The following CFAP44 variants were observed in gnomAD, a reference collection of about 807,000 sequenced individuals.
CFAP44 encodes cilia and flagella associated protein 44.
Under a neutral mutation model 216.2 loss-of-function variants are expected in CFAP44, and 134 were observed. The ratio of observed to expected loss-of-function variants is 0.62; its 90% CI spans 0.54 to 0.72. The LOEUF is 0.72. CFAP44 is among the 30% of genes least tolerant of loss of function. The pLI is 0.00. For missense variants in CFAP44, 2,035 were observed against 2,182.1 expected, an observed-to-expected ratio of 0.93 and a Z score of 1.34; for synonymous variants, 700 against 727.6, an observed-to-expected ratio of 0.96 and a Z score of 0.61.
intron 34 of CFAP44, chr3:113,294,099 A>G (rs762546622): frequency 3.5e-5 from 16 of 455,852 alleles, no homozygotes; most frequent in Non-Finnish European, 5.3e-5. Flanking sequence ...TGCAGGTAAT[A>G]TTGTTAAGTA....
intron 24 of CFAP44, among the ~76,000 whole-genome samples, chr3:113,338,536 T>C (rs1042984005): frequency 2.6e-5 from 4 of 151,296 alleles, no homozygotes; most frequent in African/African-American, 9.8e-5. Flanking sequence ...CACGTGAAAC[T>C]ACCTCATACC....
intron 17 of CFAP44, among the ~76,000 whole-genome samples, chr3:113,377,021 C>T (rs1576579162): frequency 1.3e-5 from 2 of 152,086 alleles, no homozygotes; most frequent in African/African-American, 2.4e-5. Context: ...ATAGGCAAAG[C>T]AGACAAAAGG....
At chr3:113,303,787 T>C in intron 32 of CFAP44, 129 bp downstream of exon 32, 1 of 952,572 alleles carries the variant, frequency 1.0e-6, no homozygotes, top group East Asian at 2.6e-5. Context: ...GATGTTGTGG[T>C]GTTCTTGTTT....
At chr3:113,313,957 A>C (rs1343398958) in intron 28 of CFAP44, among the ~76,000 whole-genome samples, 3 of 152,256 alleles carry the variant, frequency 2.0e-5, no homozygotes, top group Non-Finnish European at 4.4e-5. Context: ...GAAAGGAGAC[A>C]GAAGAGAATC....
At chr3:113,291,845 A>T (rs944512445) in intron 34 of CFAP44, 97 bp from the exon 35 acceptor site, 13 of 1,327,612 alleles carry the variant, frequency 9.8e-6, no homozygotes, top group Non-Finnish European at 1.2e-5. Context: ...CTGGCCTGAC[A>T]GTCACCCTAA....
chr3:113,387,524 G>A (rs977733860), intron 15 of CFAP44, among the ~76,000 whole-genome samples: 4 of 152,070 alleles, frequency 2.6e-5, no homozygotes, highest in African/African-American at 4.8e-5. Flanking sequence ...CTTGGGCCCC[G>A]AATAATCAAC....
At chr3:113,360,587 C>T (rs1319278372) in intron 21 of CFAP44, 3 of 174,150 alleles carry the variant, frequency 1.7e-5, no homozygotes, top group South Asian at 1.4e-4. Context: ...TTAATGTTAT[C>T]GATGTAAAAA....
chr3:113,357,593 T>C (rs1479102141), intron 22 of CFAP44, among the ~76,000 whole-genome samples: 1 of 152,178 alleles, frequency 6.6e-6, no homozygotes, highest in Non-Finnish European at 1.5e-5. Context: ...GCCTGACACT[T>C]TGATTTTGGA....
chr3:113,333,581 T>G lies in CFAP44; in HGVS notation c.3440A>C (p.Tyr1147Ser). Residue 1147 changes from tyrosine (Y) to serine (S), a missense_variant and splice_region_variant, in exon 25 of 35, where the codon TAC becomes TCC. Tyr to Ser is a moderately radical substitution (Grantham distance 144). Transcript: ENST00000393845. ...ATAGTCATCACCAGGTTTACTCTTG[T>G]ATCTATTAGAAAAACAGACAACCCC... ...QQRKKEWEEL[Y>S]KSKPGDDYED... The G allele has an allele frequency of 6.6e-7, 1 of 1,516,498 alleles. No individual in the cohort carries two copies. The highest frequency in any genetic ancestry group is 8.8e-7 in the Non-Finnish European group (1 of 1,138,816). The allele number at this position is 1,516,498 out of a possible 1,614,324, so 93.9% of individuals were successfully genotyped here. A position where few individuals can be genotyped will look rare whatever the true frequency, so the allele number is the denominator to read the frequency against.
rs776429081 is a variant in CFAP44 at position 113,406,956 on chromosome 3, C to T, written c.976G>A (p.Glu326Lys). Residue 326 changes from glutamate (E) to lysine (K), a missense_variant, in exon 8 of 35, where the codon GAA becomes AAA. By Grantham distance (56) the Glu-to-Lys change is moderately conservative (BLOSUM62 1). Coordinates refer to ENST00000393845, the MANE Select transcript of CFAP44 (RefSeq NM_001164496.2). ...RFGKTITTDI[E>K]GYMELPDGKV... ...CCATCTGGGAGCTCCATGTAGCCTT[C>T]TATATCAGTAGTGATTGTTTTGCCA... 10 of 1,614,088 alleles carry T rather than the reference C, an allele frequency of 6.2e-6. No homozygotes were observed. Among genetic ancestry groups the T allele is most frequent in the Non-Finnish European group, 8.5e-6 (10 of 1,179,978 alleles).
intron 22 of CFAP44, among the ~76,000 whole-genome samples, chr3:113,353,698 T>C (rs1950466880): frequency 1.3e-5 from 2 of 152,060 alleles, no homozygotes. Flanking sequence ...GTGCTATAAC[T>C]TTCAGAGTGA....
intron 24 of CFAP44, among the ~76,000 whole-genome samples, chr3:113,334,599 A>G (rs1168508519): frequency 2.6e-5 from 4 of 152,210 alleles, no homozygotes; most frequent in African/African-American, 9.6e-5. Context: ...CTCCAAGCAC[A>G]AAGAGGACAG....
Position 113,379,474 on chromosome 3 carries a change from T to G in CFAP44, c.2130A>C (p.Leu710=). The G allele has an allele frequency of 6.2e-7, 1 of 1,610,468 alleles. No individual in the cohort carries two copies. Among genetic ancestry groups the G allele is most frequent in the South Asian group, 1.1e-5 (1 of 90,952 alleles). ...CTCCATCTTCTCCCATCTCTGCTGCTAGCTTGTTCCTCCTTTCTTCCCTTA... is the reference window on the plus strand; with the variant it reads ...CTCCATCTTCTCCCATCTCTGCTGCGAGCTTGTTCCTCCTTTCTTCCCTTA... ...EKIREERRNK[L]AAEMGEDGEK... is the part of the protein sequence containing the mutation. The change falls in exon 17 of 35, where the codon CTA becomes CTC. Residue 710 remains leucine (L), a synonymous_variant. Transcript: ENST00000393845.
chr3:113,418,713 G>T (rs1934722239), intron 5 of CFAP44, among the ~76,000 whole-genome samples: 1 of 147,882 alleles, frequency 6.8e-6, no homozygotes. Context: ...TGTTTTTTGG[G>T]TTTTTTTTTT....
At chr3:113,317,535 C>T (rs895224894) in intron 28 of CFAP44, among the ~76,000 whole-genome samples, 7 of 152,228 alleles carry the variant, frequency 4.6e-5, no homozygotes, top group Non-Finnish European at 7.3e-5. Flanking sequence ...TGCATTGCTG[C>T]ACCTGAGTAG....
rs1448292199 is a variant in CFAP44 at position 113,286,974 on chromosome 3, T to C, written c.*4583A>G. 1 of 1,056,542 alleles carries C rather than the reference T, an allele frequency of 9.5e-7. No homozygotes were observed. 65.4% of individuals were successfully genotyped at this position (1,056,542 alleles called of 1,614,324 possible). A position where few individuals can be genotyped will look rare whatever the true frequency, so the allele number is the denominator to read the frequency against. On this transcript the variant is annotated 3_prime_UTR_variant, in exon 35 of 35. Coordinates refer to ENST00000393845, the MANE Select transcript of CFAP44 (RefSeq NM_001164496.2). The stretch of plus-strand genomic sequence containing the variant: ...TATTTTTCTATTATAGCCATATTTA[T>C]ATATTTATGCACTTGTAAATAAATG...
chr3:113,408,739 T>C (rs541559181), intron 7 of CFAP44, among the ~76,000 whole-genome samples: 13 of 151,848 alleles, frequency 8.6e-5, no homozygotes, highest in African/African-American at 3.1e-4. Flanking sequence ...GGTGGGTGCC[T>C]GTAGTCCCAG....
chr3:113,301,008 C>T (rs1444098879), intron 32 of CFAP44, among the ~76,000 whole-genome samples: 1 of 151,970 alleles, frequency 6.6e-6, no homozygotes, highest in Non-Finnish European at 1.5e-5. Context: ...GTATGAAACC[C>T]TTATATTTTT....
At chr3:113,313,693 A>AAT (rs1950061534) in intron 28 of CFAP44, among the ~76,000 whole-genome samples, 1 of 152,174 alleles carries the variant, frequency 6.6e-6, no homozygotes, top group African/African-American at 2.4e-5. Context: ...CATGGCAGTG[A>AAT]ATATGTCTCA....
Sources: allele counts gnomAD v4.1 joint callset (sites outside exome capture counted in the v4.1 genomes callset), GRCh38; gene constraint gnomAD v4.1.1; transcripts MANE v1.5; gene names NCBI Gene and HGNC (gene_info 2026-07-23, HGNC 2026-07-21).